SPAG16: variants seen among roughly 807,000 people sequenced by gnomAD.
SPAG16 encodes sperm-associated antigen 16 protein.
Under a neutral mutation model 80.4 loss-of-function variants are expected in SPAG16, and 86 were observed. The ratio of observed to expected loss-of-function variants is 1.07; its 90% CI spans 0.90 to 1.28. SPAG16 has a LOEUF of 1.28. Ranked by LOEUF, SPAG16 falls within the 50% of genes most tolerant of loss-of-function variation. The pLI is 0.00. For missense variants in SPAG16, 870 were observed against 765.3 expected, an observed-to-expected ratio of 1.14 and a Z score of -1.61; for synonymous variants, 294 against 265.9, an observed-to-expected ratio of 1.11 and a Z score of -1.03.
In SPAG16 at chr2:213,876,035, T is replaced by A. The variant is rs192915279; in HGVS notation, c.1214+13407T>A. On this transcript the variant is annotated intron_variant, in intron 11 of 15. Transcript: ENST00000331683. ...GACTTGCCAAGATATGTTTGACAAT[T>A]GTCCTAACTTTGATGAAGAAAATAA... Among the ~76,000 whole-genome samples the A allele has an allele frequency of 7.7e-4, 117 of 152,240 alleles. No individual in the cohort carries two copies. In the Middle Eastern group the frequency reaches 0.01, roughly 13 times the overall value.
intron 10 of SPAG16, among the ~76,000 whole-genome samples, chr2:213,695,152 T>C (rs116482650): frequency 8.7e-4 from 132 of 152,288 alleles, no homozygotes; most frequent in Middle Eastern, 3.4e-3. Context: ...CTTTTACATA[T>C]CTTTTAACCA....
intron 10 of SPAG16, among the ~76,000 whole-genome samples, chr2:213,653,237 A>G (rs903028783): frequency 2.0e-5 from 3 of 152,220 alleles, no homozygotes; most frequent in South Asian, 2.1e-4. Context: ...TTGGTTAACG[A>G]TATTTTGAAA....
chr2:213,385,792 CCACACACACA>C (rs55899353), intron 9 of SPAG16, among the ~76,000 whole-genome samples: 1 of 149,440 alleles, frequency 6.7e-6, no homozygotes, highest in East Asian at 2.0e-4. Flanking sequence ...TCATCTCTGT[CCACACACACA>C]CACACACACA....
chr2:214,380,603 C>CTAAT (rs1346824134), intron 15 of SPAG16, among the ~76,000 whole-genome samples: 4 of 152,214 alleles, frequency 2.6e-5, no homozygotes, highest in South Asian at 2.1e-4. Flanking sequence ...TAATTTATTT[C>CTAAT]TAATTTAAAG....
At chr2:213,590,198 G>A (rs16850475) in intron 10 of SPAG16, among the ~76,000 whole-genome samples, 8,963 of 152,088 alleles carry the variant, frequency 0.059, 878 homozygotes, top group African/African-American at 0.2. Context: ...GTTTTTACAC[G>A]TAATTGCACT....
At chr2:213,919,694 G>T (rs375124706) in intron 11 of SPAG16, among the ~76,000 whole-genome samples, 7 of 152,180 alleles carry the variant, frequency 4.6e-5, no homozygotes, top group African/African-American at 1.7e-4. Context: ...ATTTGCTGAG[G>T]ATTGTTCTGT....
At chr2:213,844,212 T>C (rs2074500827) in intron 10 of SPAG16, among the ~76,000 whole-genome samples, 1 of 152,118 alleles carries the variant, frequency 6.6e-6, no homozygotes, top group Non-Finnish European at 1.5e-5. Context: ...CAATGAAACC[T>C]GAAGTAATGA....
intron 10 of SPAG16, among the ~76,000 whole-genome samples, chr2:213,738,173 G>A (rs1156906857): frequency 6.6e-6 from 1 of 151,990 alleles, no homozygotes; most frequent in Non-Finnish European, 1.5e-5. Flanking sequence ...TCTCATTATT[G>A]AACATTTTGT....
chr2:214,170,250 ATACATATACACACACACTTAGGTGTGCG>A (rs1559101463), intron 15 of SPAG16, among the ~76,000 whole-genome samples: 1 of 99,924 alleles, frequency 1.0e-5, no homozygotes, highest in Non-Finnish European at 2.7e-5. Context: ...TTAGGTGTGT[ATACATATACACACACACTTAGGTGTGCG>A]TACATATACA....
At chr2:213,363,673 A>G (rs964327093) in intron 7 of SPAG16, among the ~76,000 whole-genome samples, 2 of 152,108 alleles carry the variant, frequency 1.3e-5, no homozygotes, top group Non-Finnish European at 2.9e-5. Context: ...CAACCTCTTC[A>G]TATTTTACAT....
chr2:214,406,923 T>G (rs767223203), intron 15 of SPAG16, among the ~76,000 whole-genome samples: 85 of 152,220 alleles, frequency 5.6e-4, no homozygotes, highest in South Asian at 1.2e-3. Context: ...GAAGGAGTCA[T>G]AATCACTCAG....
intron 10 of SPAG16, among the ~76,000 whole-genome samples, chr2:213,704,041 C>T (rs1263672056): frequency 1.3e-5 from 2 of 152,138 alleles, no homozygotes; most frequent in Non-Finnish European, 2.9e-5. Context: ...GATGAGAGTG[C>T]CCCATCCCCT....
intron 10 of SPAG16, among the ~76,000 whole-genome samples, chr2:213,604,139 G>A (rs189797346): frequency 0.01 from 1,570 of 152,046 alleles, 24 homozygotes; most frequent in African/African-American, 0.035. Context: ...TGATCTGCCC[G>A]CCTCGGCCTC....
At chr2:213,446,848 C>T (rs1219992440) in intron 9 of SPAG16, among the ~76,000 whole-genome samples, 1 of 152,154 alleles carries the variant, frequency 6.6e-6, no homozygotes, top group African/African-American at 2.4e-5. Flanking sequence ...CAGACATGCA[C>T]CTGGTTGTAT....
At position 213,467,985 on chromosome 2, in the gene SPAG16, C is replaced by T. The variant is rs185701910; in HGVS notation, c.943-21978C>T. 2.4e-4 allele frequency among the ~76,000 whole-genome samples: 37 copies of T among 152,262 alleles called. 1 individual carries two copies. The highest frequency in any genetic ancestry group is 3.8e-4 in the Non-Finnish European group (26 of 68,016). ...TGTCTCCTCTCTCTCTCTTCAGTCT[C>T]CTCCTGATCCCTGTTGTAAAAGACC... On this transcript the variant is annotated intron_variant, in intron 9 of 15. Transcript: ENST00000331683.
intron 13 of SPAG16, among the ~76,000 whole-genome samples, chr2:214,093,265 GATATA>G (rs1159307653): frequency 6.6e-6 from 1 of 151,976 alleles, no homozygotes; most frequent in Non-Finnish European, 1.5e-5. Flanking sequence ...CTTCAACAGT[GATATA>G]ATAATTCATA....
At chr2:213,800,935 G>T (rs983430199) in intron 10 of SPAG16, among the ~76,000 whole-genome samples, 1 of 152,100 alleles carries the variant, frequency 6.6e-6, no homozygotes. Flanking sequence ...TGAAACTCAA[G>T]AACTTTACCA....
At chr2:214,120,529 G>A (rs1384540805) in intron 14 of SPAG16, among the ~76,000 whole-genome samples, 2 of 151,698 alleles carry the variant, frequency 1.3e-5, no homozygotes, top group South Asian at 2.1e-4. Context: ...ACCTGCACTA[G>A]CATTTTCACC....
At chr2:213,295,129 C>T (rs1312198772) in intron 1 of SPAG16, among the ~76,000 whole-genome samples, 1 of 152,052 alleles carries the variant, frequency 6.6e-6, no homozygotes, top group Non-Finnish European at 1.5e-5. Flanking sequence ...GAAAACTAGG[C>T]TAATCTTATC....
Sources: gnomAD v4.1 joint callset for allele counts (sites outside exome capture counted in the v4.1 genomes callset) on GRCh38, gnomAD v4.1.1 for gene constraint, MANE v1.5 for transcripts, NCBI Gene and HGNC (gene_info 2026-07-23, HGNC 2026-07-21) for gene names.